MCTP1: variants seen among roughly 807,000 people sequenced by gnomAD.
MCTP1 encodes multiple C2 and transmembrane domain containing 1, also known as multiple C2 and transmembrane domain-containing protein 1.
In MCTP1, 69 loss-of-function variants were observed where a neutral mutation model predicts 120.6. The ratio of observed to expected loss-of-function variants is 0.57; its 90% confidence interval spans 0.47 to 0.70. The LOEUF is 0.70. MCTP1 is among the 30% of genes least tolerant of loss of function. MCTP1 has a pLI of 0.00. For synonymous variants in MCTP1, 529 were observed against 493.1 expected (o/e 1.07, Z -0.96); for missense variants, 1,203 against 1,248.8 (o/e 0.96, Z 0.55).
At chr5:94,850,342 T>C (rs114763582) in intron 17 of MCTP1, among the ~76,000 whole-genome samples, 1,770 of 152,218 alleles carry the variant, frequency 0.012, 32 homozygotes, top group African/African-American at 0.04. Context: ...CAGACCATCA[T>C]CAAAGTCTGG....
intron 1 of MCTP1, among the ~76,000 whole-genome samples, chr5:95,029,374 T>A (rs949137571): frequency 2.0e-5 from 3 of 152,134 alleles, no homozygotes; most frequent in African/African-American, 7.2e-5. Context: ...TTTCTATTTC[T>A]TTAAAAAAAG....
intron 1 of MCTP1, among the ~76,000 whole-genome samples, chr5:95,274,804 T>C (rs1363949707): frequency 1.3e-5 from 2 of 152,176 alleles, no homozygotes; most frequent in Non-Finnish European, 2.9e-5. Context: ...TTTGCATTTT[T>C]AGTAGAGACG....
chr5:94,919,745 C>T (rs1320476533), intron 7 of MCTP1, among the ~76,000 whole-genome samples: 1 of 152,184 alleles, frequency 6.6e-6, no homozygotes, highest in African/African-American at 2.4e-5. Context: ...AGGCAAAGGC[C>T]TGTTCTATCT....
At chr5:94,757,096 G>C (rs897033730) in intron 19 of MCTP1, among the ~76,000 whole-genome samples, 1 of 152,162 alleles carries the variant, frequency 6.6e-6, no homozygotes, top group African/African-American at 2.4e-5. Flanking sequence ...CTACCTAATA[G>C]AGTTGTCATG....
intron 1 of MCTP1, among the ~76,000 whole-genome samples, chr5:95,210,944 G>A (rs1367172710): frequency 6.6e-6 from 1 of 151,734 alleles, no homozygotes; most frequent in Admixed American, 6.6e-5. Flanking sequence ...AGCTTAGTTT[G>A]GCTGGATATG....
chr5:94,902,269 C>G (rs371779035), intron 10 of MCTP1, among the ~76,000 whole-genome samples: 1 of 152,156 alleles, frequency 6.6e-6, no homozygotes, highest in African/African-American at 2.4e-5. Context: ...CCTACTTGAG[C>G]TCTATGTCAG....
intron 3 of MCTP1, among the ~76,000 whole-genome samples, chr5:94,948,615 C>T (rs1230192800): frequency 6.6e-6 from 1 of 152,070 alleles, no homozygotes; most frequent in Admixed American, 6.5e-5. Flanking sequence ...AACGTTATTC[C>T]CATTCCAACT....
rs148419860 is a variant in MCTP1, at chr5:95,244,317, T to C, written c.720+39539A>G. On this transcript the variant is annotated intron_variant, in intron 1 of 22. Coordinates refer to ENST00000515393, the MANE Select transcript of MCTP1 (RefSeq NM_024717.7). Reference sequence around the variant, plus strand: ...CAACTGAGGTACCTGGTTCATCTCATTGGGACTGGTTGGACAGTGGGTGCA... The same window carrying C: ...CAACTGAGGTACCTGGTTCATCTCACTGGGACTGGTTGGACAGTGGGTGCA... Among the ~76,000 whole-genome samples, 57 of 152,292 alleles carry C rather than the reference T, an allele frequency of 3.7e-4. No homozygotes were observed. The East Asian group carries it at 8.7e-3, about 23-fold the overall frequency.
intron 2 of MCTP1, among the ~76,000 whole-genome samples, chr5:94,962,424 G>T (rs1355494895): frequency 2.0e-5 from 3 of 149,940 alleles, no homozygotes; most frequent in Non-Finnish European, 4.4e-5. Flanking sequence ...AGTGGATAAA[G>T]AAATTGATAT....
chr5:94,926,718 T>TAATC (rs1356810787), intron 6 of MCTP1, among the ~76,000 whole-genome samples: 3 of 152,212 alleles, frequency 2.0e-5, no homozygotes, highest in Non-Finnish European at 4.4e-5. Context: ...AAAGGCCATG[T>TAATC]AATCGCACAG....
chr5:94,778,285 A>T (rs986615294), intron 19 of MCTP1, among the ~76,000 whole-genome samples: 1 of 152,012 alleles, frequency 6.6e-6, no homozygotes, highest in African/African-American at 2.4e-5. Context: ...ATAACTAACG[A>T]TTTTCTCTCC....
intron 17 of MCTP1, among the ~76,000 whole-genome samples, chr5:94,819,591 A>G (rs1785215047): frequency 6.6e-6 from 1 of 152,214 alleles, no homozygotes; most frequent in Non-Finnish European, 1.5e-5. Context: ...GTGTTCATCT[A>G]TGTCAATTCT....
intron 1 of MCTP1, among the ~76,000 whole-genome samples, chr5:95,163,279 C>T (rs1745948993): frequency 6.6e-6 from 1 of 152,124 alleles, no homozygotes; most frequent in South Asian, 2.1e-4. Context: ...GGCCTCAGTT[C>T]CCAAGGTGAC....
At chr5:95,253,991 G>T (rs1277288995) in intron 1 of MCTP1, among the ~76,000 whole-genome samples, 2 of 152,016 alleles carry the variant, frequency 1.3e-5, no homozygotes, top group Admixed American at 6.6e-5. Flanking sequence ...CTCAAGTCAA[G>T]CAACTTTTAT....
intron 1 of MCTP1, among the ~76,000 whole-genome samples, chr5:95,102,511 A>G (rs1206055101): frequency 6.6e-6 from 1 of 152,230 alleles, no homozygotes; most frequent in Non-Finnish European, 1.5e-5. Context: ...TTACCACAGT[A>G]CCAGGCATTT....
At chr5:94,745,397 G>A (rs971238100) in intron 19 of MCTP1, among the ~76,000 whole-genome samples, 1 of 152,146 alleles carries the variant, frequency 6.6e-6, no homozygotes, top group Non-Finnish European at 1.5e-5. Flanking sequence ...ATTTCTTCTG[G>A]GAGAATGGGG....
intron 1 of MCTP1, among the ~76,000 whole-genome samples, chr5:95,095,167 G>A (rs1311085142): frequency 1.3e-5 from 2 of 150,690 alleles, no homozygotes; most frequent in Non-Finnish European, 3.0e-5. Flanking sequence ...GGGACTACAG[G>A]CGCCCGCTAC....
At chr5:95,121,618 C>T (rs867571872) in intron 1 of MCTP1, among the ~76,000 whole-genome samples, 13 of 151,486 alleles carry the variant, frequency 8.6e-5, no homozygotes, top group East Asian at 5.8e-4. Flanking sequence ...AAAATATCAA[C>T]GACATTCTTC....
At chr5:94,786,927 CTTGA>C (rs1467439446) in intron 18 of MCTP1, among the ~76,000 whole-genome samples, 5 of 152,098 alleles carry the variant, frequency 3.3e-5, no homozygotes, top group Admixed American at 6.5e-5. Context: ...AAAAATTAGG[CTTGA>C]TTAATAAAAT....
Sources: allele counts gnomAD v4.1 joint callset (sites outside exome capture counted in the v4.1 genomes callset), GRCh38; gene constraint gnomAD v4.1.1; transcripts MANE v1.5; gene names NCBI Gene and HGNC (gene_info 2026-07-23, HGNC 2026-07-21).